The following ROBO1 variants were observed in gnomAD, a reference collection of about 807,000 sequenced individuals.
ROBO1 encodes roundabout guidance receptor 1, also known as roundabout homolog 1.
ROBO1 carries 149 observed loss-of-function variants against 195.9 expected under a neutral mutation model. The observed-to-expected ratio is 0.76, with a 90% confidence interval of 0.67 to 0.87. The LOEUF (loss-of-function observed/expected upper bound fraction) is 0.87. ROBO1 is among the 40% of genes least tolerant of loss of function. The pLI is 0.00. For missense variants in ROBO1, 1,933 were observed against 2,068.3 expected, an observed-to-expected ratio of 0.93 and a Z score of 1.27; for synonymous variants, 816 against 733.2, an observed-to-expected ratio of 1.11 and a Z score of -1.82.
chr3:79,289,380 G>GA (rs1559793333), intron 2 of ROBO1, among the ~76,000 whole-genome samples: 1 of 152,146 alleles, frequency 6.6e-6, no homozygotes. Context: ...TTTTATGTGT[G>GA]AGAGAGAGGG....
intron 2 of ROBO1, among the ~76,000 whole-genome samples, chr3:79,464,403 A>T (rs1937833346): frequency 6.6e-6 from 1 of 152,098 alleles, no homozygotes; most frequent in Non-Finnish European, 1.5e-5. Flanking sequence ...AAATATTCCA[A>T]TTTCTCCACC....
At chr3:79,110,324 C>T (rs1016127778) in intron 3 of ROBO1, among the ~76,000 whole-genome samples, 1 of 151,960 alleles carries the variant, frequency 6.6e-6, no homozygotes, top group Admixed American at 6.6e-5. Flanking sequence ...GAAGCTCAGA[C>T]TTGAAGAATT....
intron 2 of ROBO1, among the ~76,000 whole-genome samples, chr3:79,557,368 C>T (rs2107694952): frequency 6.6e-6 from 1 of 152,132 alleles, no homozygotes; most frequent in South Asian, 2.1e-4. Flanking sequence ...CTATCATCTT[C>T]ATTCACTTCA....
intron 8 of ROBO1, among the ~76,000 whole-genome samples, chr3:78,707,543 C>T (rs868802955): frequency 6.6e-6 from 1 of 152,130 alleles, no homozygotes; most frequent in Non-Finnish European, 1.5e-5. Flanking sequence ...ATTCATGATA[C>T]TGTATTTTAT....
chr3:78,799,572 A>C (rs934982473), intron 4 of ROBO1, among the ~76,000 whole-genome samples: 1 of 151,514 alleles, frequency 6.6e-6, no homozygotes, highest in Admixed American at 6.6e-5. Flanking sequence ...CGATCTCCTG[A>C]CCTCGTGATC....
chr3:79,384,671 C>G (rs2036677301), intron 2 of ROBO1, among the ~76,000 whole-genome samples: 1 of 151,854 alleles, frequency 6.6e-6, no homozygotes, highest in Admixed American at 6.6e-5. Flanking sequence ...TCTCTTTTAG[C>G]AAGTTAAATT....
chr3:78,757,433 GCACA>G lies in ROBO1; in HGVS notation c.500-10537_500-10534del, dbSNP rs34283910. Among the ~76,000 whole-genome samples the G allele has an allele frequency of 8.6e-4, 129 of 149,792 alleles. No homozygotes were observed. In the Middle Eastern group the frequency reaches 0.01, roughly 12 times the overall value. ...CTGGGAAACAAAGGCATGCGCACATGCACACACACACACACACACACACTCACAA... is the reference window on the plus strand; with the variant it reads ...CTGGGAAACAAAGGCATGCGCACATGCACACACACACACACACACTCACAA... On this transcript the variant is annotated intron_variant, in intron 4 of 30. Coordinates refer to ENST00000464233, the MANE Select transcript of ROBO1 (RefSeq NM_002941.4).
chr3:79,331,270 C>A (rs906025128), intron 2 of ROBO1, among the ~76,000 whole-genome samples: 1 of 152,064 alleles, frequency 6.6e-6, no homozygotes, highest in Non-Finnish European at 1.5e-5. Context: ...CATTAAAAAA[C>A]CCAATTTGAT....
intron 8 of ROBO1, among the ~76,000 whole-genome samples, chr3:78,708,659 A>C (rs2081609406): frequency 6.6e-6 from 1 of 152,202 alleles, no homozygotes; most frequent in Non-Finnish European, 1.5e-5. Flanking sequence ...GGGGAGGCAT[A>C]AATTTTAGCA....
intron 3 of ROBO1, among the ~76,000 whole-genome samples, chr3:78,989,517 C>T (rs539745943): frequency 5.9e-5 from 9 of 152,040 alleles, no homozygotes; most frequent in Admixed American, 1.3e-4. Context: ...AGGAGGCTGA[C>T]GTGGGAGGAT....
At chr3:78,675,616 G>C (rs1295609225) in intron 10 of ROBO1, among the ~76,000 whole-genome samples, 4 of 152,174 alleles carry the variant, frequency 2.6e-5, no homozygotes, top group Non-Finnish European at 5.9e-5. Flanking sequence ...GGCTGGGGGA[G>C]GGGGGCCTGC....
At chr3:79,292,445 G>C (rs892682983) in intron 2 of ROBO1, among the ~76,000 whole-genome samples, 8 of 152,142 alleles carry the variant, frequency 5.3e-5, no homozygotes, top group African/African-American at 1.9e-4. Flanking sequence ...GGGCATCCCT[G>C]TCTTGTGCCA....
In ROBO1 at chr3:78,799,962, G is replaced by T. The variant is rs915659953; in HGVS notation, c.500-53062C>A. On this transcript the variant is annotated intron_variant, in intron 4 of 30. Coordinates refer to ENST00000464233, the MANE Select transcript of ROBO1 (RefSeq NM_002941.4). Reference sequence around the variant, plus strand: ...TAGGATTCAAGTCATGGTCACCCCAGCCTGAAAGCTTGGGGCAACAATTCA... The same window carrying T: ...TAGGATTCAAGTCATGGTCACCCCATCCTGAAAGCTTGGGGCAACAATTCA... Among the ~76,000 whole-genome samples the T allele has an allele frequency of 1.2e-3, 176 of 152,180 alleles. 2 individuals carry two copies. The highest frequency in any genetic ancestry group is 7.1e-4 in the Non-Finnish European group (48 of 68,016).
intron 2 of ROBO1, among the ~76,000 whole-genome samples, chr3:79,228,595 C>A (rs1478707138): frequency 6.6e-6 from 1 of 152,028 alleles, no homozygotes; most frequent in Non-Finnish European, 1.5e-5. Context: ...GATTCCATTG[C>A]CATAAATGGT....
intron 2 of ROBO1, among the ~76,000 whole-genome samples, chr3:79,179,715 C>T (rs1576779775): frequency 6.6e-6 from 1 of 152,138 alleles, no homozygotes; most frequent in Non-Finnish European, 1.5e-5. Context: ...ACTTTTGAAG[C>T]TTGTTTCAGA....
intron 4 of ROBO1, among the ~76,000 whole-genome samples, chr3:78,798,421 T>C (rs2084251306): frequency 6.6e-6 from 1 of 152,162 alleles, no homozygotes; most frequent in African/African-American, 2.4e-5. Context: ...TTTTGAGTGA[T>C]TCATACTTTA....
intron 2 of ROBO1, among the ~76,000 whole-genome samples, chr3:79,303,315 G>A (rs994146407): frequency 2.0e-5 from 3 of 151,820 alleles, no homozygotes; most frequent in Non-Finnish European, 2.9e-5. Flanking sequence ...TAAGGCATGC[G>A]CCACCATGCC....
At position 78,970,706 on chromosome 3, in the gene ROBO1, A is replaced by G. The variant is rs148806319; in HGVS notation, c.173-31779T>C. Among the ~76,000 whole-genome samples, 27 of 152,304 alleles carry G rather than the reference A, an allele frequency of 1.8e-4. No individual in the cohort carries two copies. In the East Asian group the frequency reaches 5.2e-3, roughly 29 times the overall value. On this transcript the variant is annotated intron_variant, in intron 3 of 30. Transcript: ENST00000464233. ...TCTTTGCAGAGGTAATAAGGAAATC[A>G]TCTTCCAGAACAATTATAATTTATC...
chr3:78,909,733 G>A (rs182080619), intron 4 of ROBO1, among the ~76,000 whole-genome samples: 1 of 151,600 alleles, frequency 6.6e-6, no homozygotes, highest in Admixed American at 6.6e-5. Context: ...TGATGTCAAA[G>A]ATAAAAGAGC....
Sources: gnomAD v4.1 joint callset for allele counts (sites outside exome capture counted in the v4.1 genomes callset) on GRCh38, gnomAD v4.1.1 for gene constraint, MANE v1.5 for transcripts, NCBI Gene and HGNC (gene_info 2026-07-23, HGNC 2026-07-21) for gene names.